ENPP4: variants seen among roughly 807,000 people sequenced by gnomAD.
ENPP4 encodes the protein ectonucleotide pyrophosphatase/phosphodiesterase 4, also known as bis(5'-adenosyl)-triphosphatase ENPP4.
ENPP4 carries 18 observed loss-of-function variants against 33.4 expected under a neutral mutation model. The ratio of observed to expected loss-of-function variants is 0.54; its 90% CI spans 0.37 to 0.80. ENPP4 has a LOEUF of 0.80. ENPP4 is among the 30% of genes least tolerant of loss of function. ENPP4 has a pLI of 0.00. For synonymous variants in ENPP4, 172 were observed against 189.9 expected (o/e 0.91, Z 0.78); for missense variants, 480 against 541.7 (o/e 0.89, Z 1.13).
chr6:46,140,022 A>G lies in ENPP4; in HGVS notation c.439A>G (p.Ile147Val). The G allele has an allele frequency of 6.2e-7, 1 of 1,612,734 alleles. No individual in the cohort carries two copies. Among genetic ancestry groups the G allele is most frequent in the Non-Finnish European group, 8.5e-7 (1 of 1,179,046 alleles). Residue 147 changes from isoleucine to valine, a missense_variant, in exon 2 of 4, where the codon ATC becomes GTC. Transcript: ENST00000321037. ...TACTGATGTACCCATTCACGATACC[A>G]TCTCTTCCTATTTTATGAATTACAA... Reference protein sequence around the residue: ...PGTDVPIHDTISSYFMNYNSS... With the variant: ...PGTDVPIHDTVSSYFMNYNSS...
rs1358585635 is a variant in ENPP4 at position 46,145,496 on chromosome 6, A to T, written c.*1856A>T. 6.6e-6 allele frequency: 1 copy of T among 151,944 alleles called. No individual in the cohort carries two copies. The highest frequency in any genetic ancestry group is 1.5e-5 in the Non-Finnish European group (1 of 67,890). The allele number at this position is 151,944 out of a possible 1,614,324, so 9.4% of individuals were successfully genotyped here. On this transcript the variant is annotated 3_prime_UTR_variant, in exon 4 of 4. Coordinates refer to ENST00000321037, the MANE Select transcript of ENPP4 (RefSeq NM_014936.5). ...ATAGAAAAATTCTACTTTAATTTCC[A>T]TTAAAAAGCAAATAGCATTGACACA... is the stretch of plus-strand genomic sequence containing the variant.
rs1277262904 is a variant in ENPP4 at position 46,144,927 on chromosome 6, A to G, written c.*1287A>G. 5 of 396,312 alleles carry G rather than the reference A, an allele frequency of 1.3e-5. No individual in the cohort carries two copies. The highest frequency in any genetic ancestry group is 6.2e-5 in the African/African-American group (3 of 48,494). 24.5% of individuals were successfully genotyped at this position (396,312 alleles called of 1,614,324 possible). ...CATGTTTGTTCAGAGCCAAGGGTTT[A>G]TTGTGAAGAACTGTCATCCTGCCTT... On this transcript the variant is annotated 3_prime_UTR_variant, in exon 4 of 4. Coordinates refer to ENST00000321037, the MANE Select transcript of ENPP4 (RefSeq NM_014936.5).
At chr6:46,133,735 C>T (rs1763937048) in intron 1 of ENPP4, among the ~76,000 whole-genome samples, 1 of 152,132 alleles carries the variant, frequency 6.6e-6, no homozygotes, top group Admixed American at 6.5e-5. Context: ...GTTTCATTCC[C>T]TGCAAACTTT....
chr6:46,135,191 C>A (rs1051220638), intron 1 of ENPP4, among the ~76,000 whole-genome samples: 15 of 152,060 alleles, frequency 9.9e-5, no homozygotes, highest in African/African-American at 3.6e-4. Context: ...CTCTTGAGCA[C>A]ATACCTAATA....
At position 46,140,073 on chromosome 6, in the gene ENPP4, C is replaced by T. The variant is rs1252242316; in HGVS notation, c.490C>T (p.Leu164=). The T allele has an allele frequency of 6.2e-7, 1 of 1,612,594 alleles. No homozygotes were observed. The highest frequency in any genetic ancestry group is 1.7e-4 in the Middle Eastern group (1 of 6,056). ...CTCCTCAGTGTCATTTGAGGAAAGA[C>T]TAAATAATATTACTATGTGGCTAAA... ...YNSSVSFEER[L]NNITMWLNNS... Residue 164 remains leucine (L), a synonymous_variant, in exon 2 of 4, where the codon CTA becomes TTA. Coordinates refer to ENST00000321037, the MANE Select transcript of ENPP4 (RefSeq NM_014936.5).
In ENPP4 at chr6:46,144,612, A is replaced by G. The variant is rs188341083; in HGVS notation, c.*972A>G. ...TAATTTCATTAACTTTTATCATTTAACTCTCTCATGTTTGTTGTAACCTGA... is the reference window on the plus strand; with the variant it reads ...TAATTTCATTAACTTTTATCATTTAGCTCTCTCATGTTTGTTGTAACCTGA... On this transcript the variant is annotated 3_prime_UTR_variant, in exon 4 of 4. Coordinates refer to ENST00000321037, the MANE Select transcript of ENPP4 (RefSeq NM_014936.5). 23 of 218,314 alleles carry G rather than the reference A, an allele frequency of 1.1e-4. No individual in the cohort carries two copies. The highest frequency in any genetic ancestry group is 1.5e-3 in the Middle Eastern group (1 of 688). 13.5% of individuals were successfully genotyped at this position (218,314 alleles called of 1,614,324 possible).
chr6:46,138,525 T>G (rs968006860), intron 1 of ENPP4, among the ~76,000 whole-genome samples: 1 of 151,816 alleles, frequency 6.6e-6, no homozygotes, highest in African/African-American at 2.4e-5. Context: ...TCCTCAAACC[T>G]CTGAACCTTT....
At chr6:46,133,588 T>C (rs1291557793) in intron 1 of ENPP4, among the ~76,000 whole-genome samples, 1 of 152,178 alleles carries the variant, frequency 6.6e-6, no homozygotes, top group East Asian at 1.9e-4. Flanking sequence ...GTCCCCTGAA[T>C]TGAAGACTAA....
chr6:46,141,313 G>A (rs1012977088), intron 3 of ENPP4, 91 bp downstream of exon 3: 9 of 896,840 alleles, frequency 1.0e-5, no homozygotes, highest in Non-Finnish European at 1.5e-5. Context: ...TCGATTTAAA[G>A]AAGTTCACAC....
intron 1 of ENPP4, among the ~76,000 whole-genome samples, chr6:46,137,153 C>A (rs930072959): frequency 6.6e-6 from 1 of 151,806 alleles, no homozygotes; most frequent in Non-Finnish European, 1.5e-5. Context: ...CCATCTGACA[C>A]ATATCAGATT....
chr6:46,136,070 C>T (rs530952140), intron 1 of ENPP4, among the ~76,000 whole-genome samples: 1 of 152,092 alleles, frequency 6.6e-6, no homozygotes, highest in African/African-American at 2.4e-5. Flanking sequence ...CAAATATGTA[C>T]TCATAAATTT....
In ENPP4 at chr6:46,139,671, C is replaced by T; in HGVS notation, c.88C>T (p.Leu30=). 6.2e-7 allele frequency: 1 copy of T among 1,610,630 alleles called. No homozygotes were observed. Among genetic ancestry groups the T allele is most frequent in the Non-Finnish European group, 8.5e-7 (1 of 1,177,470 alleles). Residue 30 remains leucine (L), a synonymous_variant, in exon 2 of 4, where the codon CTA becomes TTA. Coordinates refer to ENST00000321037, the MANE Select transcript of ENPP4 (RefSeq NM_014936.5). Reference sequence around the variant, plus strand: ...CTCTAGTTTGCCACCTAAGTTACTACTAGTATCCTTTGATGGCTTCAGAGC... The same window carrying T: ...CTCTAGTTTGCCACCTAAGTTACTATTAGTATCCTTTGATGGCTTCAGAGC... ...SSSSLPPKLL[L]VSFDGFRADY...
intron 1 of ENPP4, among the ~76,000 whole-genome samples, chr6:46,138,226 A>T (rs1378676354): frequency 6.6e-6 from 1 of 151,796 alleles, no homozygotes; most frequent in Non-Finnish European, 1.5e-5. Context: ...CTTCTTACTT[A>T]CATCTGTCAG....
intron 1 of ENPP4, among the ~76,000 whole-genome samples, chr6:46,133,487 C>G (rs996112097): frequency 3.3e-5 from 5 of 152,116 alleles, no homozygotes; most frequent in Non-Finnish European, 5.9e-5. Flanking sequence ...TTTATACTCT[C>G]TTGGCTTCAC....
At chr6:46,135,324 T>C (rs1450110865) in intron 1 of ENPP4, among the ~76,000 whole-genome samples, 2 of 152,102 alleles carry the variant, frequency 1.3e-5, no homozygotes, top group Non-Finnish European at 2.9e-5. Context: ...TCAATTTCTC[T>C]ATCAACACTT....
intron 1 of ENPP4, among the ~76,000 whole-genome samples, chr6:46,131,748 G>A (rs1440015152): frequency 6.6e-6 from 1 of 151,412 alleles, no homozygotes; most frequent in Non-Finnish European, 1.5e-5. Flanking sequence ...CTTCCACAAT[G>A]GTTGAACTAG....
chr6:46,144,607 A>C lies in ENPP4; in HGVS notation c.*967A>C, dbSNP rs1764116898. 4.8e-6 allele frequency: 1 copy of C among 208,690 alleles called. No homozygotes were observed. The allele number at this position is 208,690 out of a possible 1,614,324, so 12.9% of individuals were successfully genotyped here. The stretch of plus-strand genomic sequence containing the variant: ...TAACTTAATTTCATTAACTTTTATC[A>C]TTTAACTCTCTCATGTTTGTTGTAA... On this transcript the variant is annotated 3_prime_UTR_variant, in exon 4 of 4. Coordinates refer to ENST00000321037, the MANE Select transcript of ENPP4 (RefSeq NM_014936.5).
rs1763989131 is a variant in ENPP4 at position 46,137,152 on chromosome 6, ACATAT to A, written c.-33-2396_-33-2392del. The stretch of plus-strand genomic sequence containing the variant: ...GTATAGAGAATGCATTCCATCTGAC[ACATAT>A]CAGATTGGATTTGGCAGCAGAACAG... On this transcript the variant is annotated intron_variant, in intron 1 of 3. Transcript: ENST00000321037. 2.6e-5 allele frequency among the ~76,000 whole-genome samples: 4 copies of A among 152,010 alleles called. No individual in the cohort carries two copies. The South Asian group carries it at 8.3e-4, about 31-fold the overall frequency.
intron 3 of ENPP4, 30 bp from the exon 4 acceptor site, chr6:46,143,246 A>G (rs2127493208): frequency 7.2e-6 from 11 of 1,528,726 alleles, no homozygotes; most frequent in Non-Finnish European, 9.7e-6. Flanking sequence ...GTCTGATCTT[A>G]TTGACTGATG....
Sources: allele counts gnomAD v4.1 joint callset (sites outside exome capture counted in the v4.1 genomes callset), GRCh38; gene constraint gnomAD v4.1.1; transcripts MANE v1.5; gene names NCBI Gene and HGNC (gene_info 2026-07-23, HGNC 2026-07-21).